UNC119B: variants seen among roughly 807,000 people sequenced by gnomAD.
UNC119B encodes the protein protein unc-119 homolog B.
A neutral mutation model predicts 23.4 loss-of-function variants in UNC119B; 16 were observed. The ratio of observed to expected loss-of-function variants is 0.68; its 90% CI spans 0.46 to 1.04. UNC119B has a LOEUF of 1.04. Among genes scored for constraint, UNC119B ranks in the 50% least tolerant of loss-of-function variants. The pLI, the probability that UNC119B is intolerant of heterozygous loss-of-function variation, is 0.00. For missense variants in UNC119B, 350 were observed against 361.3 expected, an observed-to-expected ratio of 0.97 and a Z score of 0.25; for synonymous variants, 144 against 145.4, an observed-to-expected ratio of 0.99 and a Z score of 0.07.
Position 120,721,903 on chromosome 12 carries a change from T to C in UNC119B, c.*1871T>C, listed in dbSNP as rs145117768. On this transcript the variant is annotated 3_prime_UTR_variant, in exon 5 of 5. Coordinates refer to ENST00000344651, the MANE Select transcript of UNC119B (RefSeq NM_001080533.3). ...AGATGCCAGGGCTGTTAGCACTGTC[T>C]CCTCACCTTCTGTTTCTCATTGTGG... 697 of 152,860 alleles carry C rather than the reference T, an allele frequency of 4.6e-3. 2 individuals carry two copies. Among genetic ancestry groups the C allele is most frequent in the Non-Finnish European group, 8.2e-3 (561 of 68,078 alleles). The allele number at this position is 152,860 out of a possible 1,614,324, so 9.5% of individuals were successfully genotyped here.
intron 1 of UNC119B, 29 bp from the exon 2 acceptor site, chr12:120,713,243 AAC>A: frequency 1.3e-6 from 2 of 1,490,722 alleles, no homozygotes; most frequent in Non-Finnish European, 1.8e-6. Context: ...AGGATTATTT[AAC>A]AGTGTTGGTT....
At chr12:120,717,514 C>T (rs1882807204) in intron 4 of UNC119B, among the ~76,000 whole-genome samples, 1 of 151,824 alleles carries the variant, frequency 6.6e-6, no homozygotes, top group African/African-American at 2.4e-5. Context: ...TCCTCGGCCT[C>T]CCACAATGCT....
chr12:120,717,034 A>C lies in UNC119B; in HGVS notation c.635A>C (p.Glu212Ala). ...ATCTATGAGTTTCCCCAGCTTTCGG[A>C]GGATGTCAGTATGTATCCCCTGACC... ...EHIYEFPQLSEDVIRLMIENP... is the reference protein window; with the variant it reads ...EHIYEFPQLSADVIRLMIENP... The change falls in exon 4 of 5, where the codon GAG becomes GCG. Residue 212 changes from glutamate to alanine, a missense_variant. Glu to Ala is a moderately radical substitution (Grantham distance 107, BLOSUM62 -1). Coordinates refer to ENST00000344651, the MANE Select transcript of UNC119B (RefSeq NM_001080533.3). 1 of 1,591,454 alleles carries C rather than the reference A, an allele frequency of 6.3e-7. No individual in the cohort carries two copies. Among genetic ancestry groups the C allele is most frequent in the Non-Finnish European group, 8.6e-7 (1 of 1,167,718 alleles).
intron 1 of UNC119B, among the ~76,000 whole-genome samples, chr12:120,712,452 T>C (rs1301079329): frequency 2.6e-5 from 4 of 152,220 alleles, no homozygotes; most frequent in Admixed American, 1.3e-4. Context: ...AAGAAATCAG[T>C]GAAATTTGCT....
chr12:120,710,744 C>T (rs771568091), intron 1 of UNC119B, 26 bp downstream of exon 1: 3 of 1,310,702 alleles, frequency 2.3e-6, no homozygotes, highest in South Asian at 4.2e-5. Flanking sequence ...GCCGCGCCCT[C>T]CCCTCGCGCC....
rs536841564 is a variant in UNC119B, at chr12:120,720,389, C to T, written c.*357C>T. 3.1e-5 allele frequency: 6 copies of T among 191,600 alleles called. No homozygotes were observed. The highest frequency in any genetic ancestry group is 5.3e-5 in the Non-Finnish European group (5 of 93,652). 11.9% of individuals were successfully genotyped at this position (191,600 alleles called of 1,614,324 possible). A position where few individuals can be genotyped will look rare whatever the true frequency, so the allele number is the denominator to read the frequency against. On this transcript the variant is annotated 3_prime_UTR_variant, in exon 5 of 5. Transcript: ENST00000344651. Reference sequence around the variant, plus strand: ...GCTGTGCCTGGTGAGAAGGCTCTGGCCAGGCCCACCAGCAGGTCAGCAGCT... The same window carrying T: ...GCTGTGCCTGGTGAGAAGGCTCTGGTCAGGCCCACCAGCAGGTCAGCAGCT...
At position 120,716,685 on chromosome 12, in the gene UNC119B, T is replaced by C. The variant is rs1341452239; in HGVS notation, c.416T>C (p.Phe139Ser). 1 of 1,613,994 alleles carries C rather than the reference T, an allele frequency of 6.2e-7. No homozygotes were observed. Among genetic ancestry groups the C allele is most frequent in the African/African-American group, 1.3e-5 (1 of 74,878 alleles). ...GGDVDISAGR[F>S]VRYQFTPAFL... ...GACGTGGACATCAGCGCAGGACGTTTTGTCCGCTATCAGTTCACACCGGCA... is the reference window on the plus strand; with the variant it reads ...GACGTGGACATCAGCGCAGGACGTTCTGTCCGCTATCAGTTCACACCGGCA... Residue 139 changes from phenylalanine to serine, a missense_variant, in exon 3 of 5, where the codon TTT becomes TCT. Transcript: ENST00000344651.
Position 120,710,571 on chromosome 12 carries a change from G to T in UNC119B, c.97G>T (p.Gly33Cys). The T allele has an allele frequency of 7.1e-7, 1 of 1,399,710 alleles. No homozygotes were observed. Among genetic ancestry groups the T allele is most frequent in the Admixed American group, 3.4e-5 (1 of 29,104 alleles). The allele number at this position is 1,399,710 out of a possible 1,614,324, so 86.7% of individuals were successfully genotyped here. A position where few individuals can be genotyped will look rare whatever the true frequency, so the allele number is the denominator to read the frequency against. Residue 33 changes from glycine (G) to cysteine (C), a missense_variant, in exon 1 of 5, where the codon GGC (glycine) becomes TGC (cysteine). Coordinates refer to ENST00000344651, the MANE Select transcript of UNC119B (RefSeq NM_001080533.3). ...GKEEKKKAGG[G>C]VLNRLKARRQ... is the part of the protein sequence containing the mutation. ...GGAGGAGAAGAAGAAGGCGGGCGGC[G>T]GCGTCCTGAACCGCCTGAAGGCGCG... is the stretch of plus-strand genomic sequence containing the variant.
Position 120,722,852 on chromosome 12 carries a change from TACTC to T in UNC119B, c.*2822_*2825del, listed in dbSNP as rs1175404840. 6.6e-6 allele frequency: 1 copy of T among 152,270 alleles called. No homozygotes were observed. The highest frequency in any genetic ancestry group is 1.5e-5 in the Non-Finnish European group (1 of 68,068). The allele number at this position is 152,270 out of a possible 1,614,324, so 9.4% of individuals were successfully genotyped here. A position where few individuals can be genotyped will look rare whatever the true frequency, so the allele number is the denominator to read the frequency against. On this transcript the variant is annotated 3_prime_UTR_variant, in exon 5 of 5. Transcript: ENST00000344651. ...AAGTAGGCTATGTCTCCTTATGTATTACTCAATACTGTTTTGCAGAGAAAACATT... is the reference window on the plus strand; with the variant it reads ...AAGTAGGCTATGTCTCCTTATGTATTAATACTGTTTTGCAGAGAAAACATT...
chr12:120,710,846 C>T (rs1203109021), intron 1 of UNC119B, 128 bp downstream of exon 1: 1 of 902,968 alleles, frequency 1.1e-6, no homozygotes, highest in Non-Finnish European at 1.4e-6. Flanking sequence ...GGCCGCGCTT[C>T]CCGCTGCCCC....
rs1882937548 is a variant in UNC119B at position 120,722,618 on chromosome 12, A to G, written c.*2586A>G. ...TTGTCAAGAGCTGGGAGCACATTTC[A>G]TCAGAGTAGCAGGCCCACCTGGTGC... On this transcript the variant is annotated 3_prime_UTR_variant, in exon 5 of 5. Coordinates refer to ENST00000344651, the MANE Select transcript of UNC119B (RefSeq NM_001080533.3). 1 of 152,256 alleles carries G rather than the reference A, an allele frequency of 6.6e-6. No individual in the cohort carries two copies. The highest frequency in any genetic ancestry group is 6.5e-5 in the Admixed American group (1 of 15,284). The allele number at this position is 152,256 out of a possible 1,614,324, so 9.4% of individuals were successfully genotyped here. A position where few individuals can be genotyped will look rare whatever the true frequency, so the allele number is the denominator to read the frequency against.
chr12:120,716,486 C>G lies in UNC119B; in HGVS notation c.359-142C>G, dbSNP rs555876695. 26 of 843,176 alleles carry G rather than the reference C, an allele frequency of 3.1e-5. No individual in the cohort carries two copies. In the African/African-American group the frequency reaches 3.6e-4, roughly 12 times the overall value. 52.2% of individuals were successfully genotyped at this position (843,176 alleles called of 1,614,324 possible). On this transcript the variant is annotated intron_variant, in intron 2 of 4. Coordinates refer to ENST00000344651, the MANE Select transcript of UNC119B (RefSeq NM_001080533.3). Reference sequence around the variant, plus strand: ...CTATGGCAAGTGTCCTGCTATATAGCAAGTGCGCAGTAAACACTGGCCATT... The same window carrying G: ...CTATGGCAAGTGTCCTGCTATATAGGAAGTGCGCAGTAAACACTGGCCATT...
At chr12:120,717,479 G>A (rs577572857) in intron 4 of UNC119B, among the ~76,000 whole-genome samples, 9 of 152,006 alleles carry the variant, frequency 5.9e-5, no homozygotes, top group Admixed American at 5.9e-4. Flanking sequence ...GGCTGGTCTC[G>A]AACACTTGAC....
chr12:120,713,671 T>A (rs1882714995), intron 2 of UNC119B, among the ~76,000 whole-genome samples: 1 of 152,256 alleles, frequency 6.6e-6, no homozygotes, highest in Non-Finnish European at 1.5e-5. Flanking sequence ...TATCTCTGTT[T>A]TACAGCGAAG....
At chr12:120,710,843 C>G in intron 1 of UNC119B, 125 bp downstream of exon 1, 1 of 962,590 alleles carries the variant, frequency 1.0e-6, no homozygotes, top group South Asian at 5.3e-5. Flanking sequence ...CCGGGCCGCG[C>G]TTCCCGCTGC....
At chr12:120,713,207 G>T in intron 1 of UNC119B, 67 bp from the exon 2 acceptor site, 1 of 1,326,776 alleles carries the variant, frequency 7.5e-7, no homozygotes, top group South Asian at 1.3e-5. Flanking sequence ...TTCAAAACTT[G>T]AGAATTAAAT....
rs781702312 is a variant in UNC119B at position 120,716,926 on chromosome 12, A to C, written c.527A>C (p.His176Pro). 1.9e-6 allele frequency: 3 copies of C among 1,613,822 alleles called. No individual in the cohort carries two copies. Among genetic ancestry groups the C allele is most frequent in the Admixed American group, 3.3e-5 (2 of 59,974 alleles). ...TCAAACTTCCGGATGATCGAACGGC[A>C]CTATTTCCGGGAACACTTGCTGAAA... ...PVSNFRMIER[H>P]YFREHLLKNF... is the part of the protein sequence containing the mutation. The change falls in exon 4 of 5, where the codon CAC becomes CCC. Residue 176 changes from histidine to proline, a missense_variant. Coordinates refer to ENST00000344651, the MANE Select transcript of UNC119B (RefSeq NM_001080533.3).
intron 4 of UNC119B, among the ~76,000 whole-genome samples, chr12:120,717,961 T>C (rs1293235902): frequency 6.6e-6 from 1 of 151,406 alleles, no homozygotes; most frequent in African/African-American, 2.4e-5. Context: ...AAGCTCTGCC[T>C]CCTGGGTTCA....
rs1352133581 is a variant in UNC119B, at chr12:120,723,313, A to G, written c.*3281A>G. On this transcript the variant is annotated 3_prime_UTR_variant, in exon 5 of 5. Transcript: ENST00000344651. Reference sequence around the variant, plus strand: ...CTGTACCTGGTGTAGGAGCCTAATCATTGAACCATTGTGTTACTCACATTC... The same window carrying G: ...CTGTACCTGGTGTAGGAGCCTAATCGTTGAACCATTGTGTTACTCACATTC... 6.5e-6 allele frequency: 1 copy of G among 154,266 alleles called. No individual in the cohort carries two copies. Among genetic ancestry groups the G allele is most frequent in the Non-Finnish European group, 1.5e-5 (1 of 68,226 alleles). 9.6% of individuals were successfully genotyped at this position (154,266 alleles called of 1,614,324 possible). A position where few individuals can be genotyped will look rare whatever the true frequency, so the allele number is the denominator to read the frequency against.
Sources: gnomAD v4.1 joint callset for allele counts (sites outside exome capture counted in the v4.1 genomes callset) on GRCh38, gnomAD v4.1.1 for gene constraint, MANE v1.5 for transcripts, NCBI Gene and HGNC (gene_info 2026-07-23, HGNC 2026-07-21) for gene names.